Variants in IFI44L observed in about 807,000 individuals in gnomAD.
The protein encoded by IFI44L is interferon induced protein 44 like, also known as interferon-induced protein 44-like.
A neutral mutation model predicts 39.3 loss-of-function variants in IFI44L; 40 were observed. The ratio of observed to expected loss-of-function variants is 1.02; its 90% confidence interval spans 0.79 to 1.33. The LOEUF is 1.33. Among genes scored for constraint, IFI44L ranks in the 40% most tolerant of loss-of-function variants. IFI44L has a pLI of 0.00. For synonymous variants in IFI44L, 198 were observed against 182.3 expected (o/e 1.09, Z -0.69); for missense variants, 623 against 549.0 (o/e 1.13, Z -1.35).
rs1364078120 is a variant in IFI44L at position 78,642,009 on chromosome 1, CA to C, written c.*201del. 1.6e-6 allele frequency: 1 copy of C among 626,034 alleles called. No homozygotes were observed. Among genetic ancestry groups the C allele is most frequent in the Non-Finnish European group, 2.9e-6 (1 of 347,540 alleles). 38.8% of individuals were successfully genotyped at this position (626,034 alleles called of 1,614,324 possible). A position where few individuals can be genotyped will look rare whatever the true frequency, so the allele number is the denominator to read the frequency against. Reference sequence around the variant, plus strand: ...TAGGTCCTACTGCAAACCACCCCTCCATATTTCCGTACCATTTACAATTCAG... The same window carrying C: ...TAGGTCCTACTGCAAACCACCCCTCCTATTTCCGTACCATTTACAATTCAG... On this transcript the variant is annotated 3_prime_UTR_variant, in exon 9 of 9. Transcript: ENST00000370751.
intron 3 of IFI44L, among the ~76,000 whole-genome samples, chr1:78,629,350 C>A (rs768722623): frequency 6.6e-6 from 1 of 152,090 alleles, no homozygotes; most frequent in Non-Finnish European, 1.5e-5. Context: ...TAGATAGCTA[C>A]ATTGCATATA....
At chr1:78,623,394 TTG>T (rs1296080247) in intron 1 of IFI44L, among the ~76,000 whole-genome samples, 30 of 45,428 alleles carry the variant, frequency 6.6e-4, no homozygotes, top group African/African-American at 1.5e-3. Context: ...TAAGTGTTTT[TTG>T]TTTTTTTTTT....
At chr1:78,623,203 A>G (rs942241315) in intron 1 of IFI44L, among the ~76,000 whole-genome samples, 2 of 151,918 alleles carry the variant, frequency 1.3e-5, no homozygotes, top group Admixed American at 6.6e-5. Context: ...ATTTTGGCCT[A>G]CTTGTTCTGG....
At chr1:78,623,134 A>C (rs550662872) in intron 1 of IFI44L, among the ~76,000 whole-genome samples, 2 of 152,336 alleles carry the variant, frequency 1.3e-5, no homozygotes, top group African/African-American at 4.8e-5. Flanking sequence ...ATCTGTGAGC[A>C]GAGATGATTA....
At chr1:78,639,015 C>T (rs1243064782) in intron 6 of IFI44L, among the ~76,000 whole-genome samples, 1 of 152,064 alleles carries the variant, frequency 6.6e-6, no homozygotes, top group Non-Finnish European at 1.5e-5. Flanking sequence ...GTTTGACACC[C>T]TTGGAGAAAG....
rs1647013592 is a variant in IFI44L, at chr1:78,643,650, TTGTTTTTTTTTTTTTTTG to T, written c.*1843_*1860del. On this transcript the variant is annotated 3_prime_UTR_variant, in exon 9 of 9. Coordinates refer to ENST00000370751, the MANE Select transcript of IFI44L (RefSeq NM_006820.4). The stretch of plus-strand genomic sequence containing the variant: ...TGTTTGTTTTGTTTTTTTTTTGTTG[TTGTTTTTTTTTTTTTTTG>T]TTTTTTTGCTGAGTCAATTCCTTGG... 1 of 89,016 alleles carries T rather than the reference TTGTTTTTTTTTTTTTTTG, an allele frequency of 1.1e-5. No individual in the cohort carries two copies. Among genetic ancestry groups the T allele is most frequent in the Non-Finnish European group, 2.6e-5 (1 of 37,794 alleles). The allele number at this position is 89,016 out of a possible 1,614,324, so 5.5% of individuals were successfully genotyped here.
Position 78,627,966 on chromosome 1 carries a change from G to A in IFI44L, c.51G>A (p.Lys17=). The A allele has an allele frequency of 6.2e-7, 1 of 1,610,682 alleles. No individual in the cohort carries two copies. The highest frequency in any genetic ancestry group is 8.5e-7 in the Non-Finnish European group (1 of 1,178,714). Residue 17 remains lysine (K), a synonymous_variant, in exon 2 of 9, where the codon AAG becomes AAA. Coordinates refer to ENST00000370751, the MANE Select transcript of IFI44L (RefSeq NM_006820.4). Reference sequence around the variant, plus strand: ...GGAATGATGAAAATCATCTGCGCAAGCTGCTTGGAAATGTTTCTTTGAGTC... The same window carrying A: ...GGAATGATGAAAATCATCTGCGCAAACTGCTTGGAAATGTTTCTTTGAGTC... ...LTWNDENHLR[K]LLGNVSLSLL...
At chr1:78,628,771 A>G in intron 2 of IFI44L, 180 bp from the exon 3 acceptor site, 1 of 573,560 alleles carries the variant, frequency 1.7e-6, no homozygotes, top group Non-Finnish European at 3.1e-6. Context: ...AGAGCAAGTT[A>G]ATGTGCAGAG....
In IFI44L at chr1:78,629,704, C is replaced by G. The variant is rs1209706191; in HGVS notation, c.528-16C>G. On this transcript the variant is annotated splice_polypyrimidine_tract_variant and intron_variant, in intron 3 of 8. Coordinates refer to ENST00000370751, the MANE Select transcript of IFI44L (RefSeq NM_006820.4). ...TGGCTGTTCTGATGCTGTATTTAAC[C>G]ACTATATTTTAACAGGCACAGAAAT... 6.3e-7 allele frequency: 1 copy of G among 1,589,260 alleles called. No homozygotes were observed. Among genetic ancestry groups the G allele is most frequent in the African/African-American group, 1.4e-5 (1 of 73,900 alleles).
At chr1:78,633,110 C>T (rs1210743406) in intron 4 of IFI44L, among the ~76,000 whole-genome samples, 2 of 152,090 alleles carry the variant, frequency 1.3e-5, no homozygotes, top group African/African-American at 2.4e-5. Flanking sequence ...ACAAAAGATA[C>T]ATTGAAGAGG....
intron 1 of IFI44L, among the ~76,000 whole-genome samples, chr1:78,621,891 G>A (rs1168708366): frequency 8.6e-5 from 13 of 151,978 alleles, no homozygotes; most frequent in Non-Finnish European, 1.9e-4. Context: ...GGGTATTTGT[G>A]GTTTCCATCG....
chr1:78,623,698 G>GAA, intron 1 of IFI44L, among the ~76,000 whole-genome samples: 1 of 152,224 alleles, frequency 6.6e-6, no homozygotes, highest in Non-Finnish European at 1.5e-5. Context: ...GGAGCCAGTG[G>GAA]TGGAACTCCC....
rs185875499 is a variant in IFI44L at position 78,633,139 on chromosome 1, C to T, written c.724-2198C>T. On this transcript the variant is annotated intron_variant, in intron 4 of 8. Coordinates refer to ENST00000370751, the MANE Select transcript of IFI44L (RefSeq NM_006820.4). Reference sequence around the variant, plus strand: ...GAAGAGGGTAGGAAAGATAGTTTTACGTTATCTGCATCACCCCCCTCAACC... The same window carrying T: ...GAAGAGGGTAGGAAAGATAGTTTTATGTTATCTGCATCACCCCCCTCAACC... Among the ~76,000 whole-genome samples the T allele has an allele frequency of 9.3e-4, 141 of 152,262 alleles. 1 individual carries two copies. The highest frequency in any genetic ancestry group is 3.1e-3 in the African/African-American group (130 of 41,566).
chr1:78,628,475 C>A, intron 2 of IFI44L, 82 bp downstream of exon 2: 1 of 814,446 alleles, frequency 1.2e-6, no homozygotes, highest in Non-Finnish European at 2.0e-6. Context: ...TCTACAAGAG[C>A]AAGGAAAGTG....
intron 2 of IFI44L, chr1:78,628,637 G>C (rs1207271648): frequency 3.8e-6 from 2 of 519,968 alleles, no homozygotes; most frequent in South Asian, 2.8e-5. Flanking sequence ...AGATGACAAA[G>C]GAGATGGGGA....
In IFI44L at chr1:78,641,940, A is replaced by G; in HGVS notation, c.*131A>G. On this transcript the variant is annotated 3_prime_UTR_variant, in exon 9 of 9. Transcript: ENST00000370751. ...TGCCTTCTGTCCTTGGAACAGTCAT[A>G]TCTCAAGTTCAAAGGCCAAAACCTG... 1 of 1,050,676 alleles carries G rather than the reference A, an allele frequency of 9.5e-7. No individual in the cohort carries two copies. The highest frequency in any genetic ancestry group is 1.5e-6 in the Non-Finnish European group (1 of 671,566). The allele number at this position is 1,050,676 out of a possible 1,614,324, so 65.1% of individuals were successfully genotyped here.
Position 78,646,109 on chromosome 1 carries a change from A to AATTTTTTTTTTTTTTTTTTT in IFI44L, c.*4300_*4301insATTTTTTTTTTTTTTTTTTT, listed in dbSNP as rs1647045998. The AATTTTTTTTTTTTTTTTTTT allele has an allele frequency of 6.6e-6, 1 of 152,212 alleles. No homozygotes were observed. The highest frequency in any genetic ancestry group is 1.5e-5 in the Non-Finnish European group (1 of 68,038). 9.4% of individuals were successfully genotyped at this position (152,212 alleles called of 1,614,324 possible). A position where few individuals can be genotyped will look rare whatever the true frequency, so the allele number is the denominator to read the frequency against. ...TGCACATTCCATGACAATATATGTC[A>AATTTTTTTTTTTTTTTTTTT]CATTTTTAAAATAAATGCAAAGAAG... On this transcript the variant is annotated 3_prime_UTR_variant, in exon 9 of 9. Coordinates refer to ENST00000370751, the MANE Select transcript of IFI44L (RefSeq NM_006820.4).
chr1:78,640,796 T>G (rs898174976), intron 6 of IFI44L, among the ~76,000 whole-genome samples: 1 of 152,100 alleles, frequency 6.6e-6, no homozygotes, highest in African/African-American at 2.4e-5. Context: ...TGCAATTTAG[T>G]GTGGATTTAG....
At chr1:78,622,043 A>G (rs1299378251) in intron 1 of IFI44L, among the ~76,000 whole-genome samples, 2 of 152,046 alleles carry the variant, frequency 1.3e-5, no homozygotes, top group African/African-American at 4.8e-5. Context: ...TTAACTGTAT[A>G]TTTGTACTCA....
Sources: allele counts gnomAD v4.1 joint callset (sites outside exome capture counted in the v4.1 genomes callset), GRCh38; gene constraint gnomAD v4.1.1; transcripts MANE v1.5; gene names NCBI Gene and HGNC (gene_info 2026-07-23, HGNC 2026-07-21).